Variants in FMN1 observed in about 807,000 individuals in gnomAD.
The protein encoded by FMN1 is formin 1, also known as formin-1.
FMN1 carries 110 observed loss-of-function variants against 132.4 expected under a neutral mutation model. The observed-to-expected ratio is 0.83, with a 90% CI of 0.71 to 0.97. FMN1 has a LOEUF of 0.97. Ranked by LOEUF, FMN1 falls within the 50% of genes least tolerant of loss-of-function variation. FMN1 has a pLI of 0.00. For synonymous variants in FMN1, 722 were observed against 651.7 expected, an observed-to-expected ratio of 1.11 and a Z score of -1.64; for missense variants, 1,792 against 1,705.3, an observed-to-expected ratio of 1.05 and a Z score of -0.90.
intron 10 of FMN1, among the ~76,000 whole-genome samples, chr15:32,917,532 AC>A (rs1384603830): frequency 2.0e-5 from 3 of 152,192 alleles, no homozygotes; most frequent in African/African-American, 7.2e-5. Context: ...CTTCCTCTGT[AC>A]CAGGCATTGT....
intron 4 of FMN1, among the ~76,000 whole-genome samples, chr15:33,107,601 G>A (rs2039536036): frequency 6.6e-6 from 1 of 152,076 alleles, no homozygotes. Flanking sequence ...TCTTGGCTAA[G>A]ATGTTCCCCA....
chr15:32,816,322 C>A (rs1172433718), intron 17 of FMN1, among the ~76,000 whole-genome samples: 1 of 152,118 alleles, frequency 6.6e-6, no homozygotes, highest in African/African-American at 2.4e-5. Flanking sequence ...AAAGCAGTGG[C>A]ATGATGTGCC....
In FMN1 at chr15:33,049,923, AT is replaced by A. The variant is rs570208954; in HGVS notation, c.2161+15033del. On this transcript the variant is annotated intron_variant, in intron 6 of 20. Coordinates refer to ENST00000616417, the MANE Select transcript of FMN1 (RefSeq NM_001277313.2). Reference sequence around the variant, plus strand: ...ATTCTAGGGGCTGCTCAATTCACGAATTGTTTATTGTTCAATTAAACTCCTT... The same window carrying A: ...ATTCTAGGGGCTGCTCAATTCACGAATGTTTATTGTTCAATTAAACTCCTT... 3.5e-4 allele frequency among the ~76,000 whole-genome samples: 54 copies of A among 152,342 alleles called. 1 individual carries two copies. In the East Asian group the frequency reaches 0.01, roughly 29 times the overall value.
At position 33,153,728 on chromosome 15, in the gene FMN1, G is replaced by T; in HGVS notation, c.1187C>A (p.Ser396Ter). Residue 396 changes from serine (S) to a stop codon, truncating the protein, a stop_gained, in exon 4 of 21, where the codon TCG (serine) becomes TAG (stop). Transcript: ENST00000616417. LOFTEE classifies it high-confidence loss of function. Reference sequence around the variant, plus strand: ...GGCTGTTTCCCCGGCTGGCGACTGCGATGACCTATCCCCTTGCCGCTCCTT... The same window carrying T: ...GGCTGTTTCCCCGGCTGGCGACTGCTATGACCTATCCCCTTGCCGCTCCTT... ...QGKERQGDRSSQSPAGETASI... is the reference protein window; with the variant it reads ...QGKERQGDRS 1 of 1,536,242 alleles carries T rather than the reference G, an allele frequency of 6.5e-7. No homozygotes were observed.
intron 15 of FMN1, among the ~76,000 whole-genome samples, chr15:32,891,771 G>C (rs1441538718): frequency 6.6e-6 from 1 of 151,848 alleles, no homozygotes; most frequent in Admixed American, 6.6e-5. Flanking sequence ...TGACTCCTTA[G>C]GTATATTACT....
chr15:33,092,845 T>C (rs1255715879), intron 4 of FMN1, among the ~76,000 whole-genome samples: 1 of 152,192 alleles, frequency 6.6e-6, no homozygotes, highest in African/African-American at 2.4e-5. Context: ...GTTTTTGTTT[T>C]GTAACTTGTA....
intron 8 of FMN1, among the ~76,000 whole-genome samples, chr15:32,968,100 A>C (rs2140644444): frequency 6.6e-6 from 1 of 152,336 alleles, no homozygotes; most frequent in South Asian, 2.1e-4. Context: ...CCACATACTG[A>C]CACTTTCTCT....
At chr15:32,928,975 C>G (rs1192776700) in intron 9 of FMN1, among the ~76,000 whole-genome samples, 1 of 152,212 alleles carries the variant, frequency 6.6e-6, no homozygotes, top group Non-Finnish European at 1.5e-5. Context: ...TGAGGCAAAT[C>G]TACCCCTCAC....
intron 9 of FMN1, among the ~76,000 whole-genome samples, chr15:32,937,616 A>G (rs2061308143): frequency 6.6e-6 from 1 of 152,198 alleles, no homozygotes; most frequent in Non-Finnish European, 1.5e-5. Flanking sequence ...ATGGATAGAG[A>G]GAGAAGACAA....
chr15:32,857,277 TAAAC>T (rs1484073353), intron 16 of FMN1, among the ~76,000 whole-genome samples, 170 bp from the exon 17 acceptor site: 3 of 152,108 alleles, frequency 2.0e-5, no homozygotes, highest in African/African-American at 2.4e-5. Context: ...CCAGAAATAA[TAAAC>T]AAACCAACAA....
chr15:33,049,544 C>A (rs1005665671), intron 6 of FMN1, among the ~76,000 whole-genome samples: 2 of 152,172 alleles, frequency 1.3e-5, no homozygotes, highest in East Asian at 3.8e-4. Flanking sequence ...AAGTTTTGGT[C>A]AATCTCTCAA....
chr15:32,933,339 T>A (rs115694801), intron 9 of FMN1, among the ~76,000 whole-genome samples: 1 of 152,200 alleles, frequency 6.6e-6, no homozygotes, highest in Non-Finnish European at 1.5e-5. Flanking sequence ...TCAGAAAAGA[T>A]ACATGGTATA....
Position 32,947,525 on chromosome 15 carries a change from T to G in FMN1, c.3138+16582A>C, listed in dbSNP as rs143170695. On this transcript the variant is annotated intron_variant, in intron 9 of 20. Coordinates refer to ENST00000616417, the MANE Select transcript of FMN1 (RefSeq NM_001277313.2). ...TTGAACATTTGTTCTTGCATGCAAA[T>G]TTTTAGAATAAGCTTGTTAAATTCC... Among the ~76,000 whole-genome samples the G allele has an allele frequency of 5.2e-3, 798 of 152,080 alleles. 2 individuals carry two copies. The highest frequency in any genetic ancestry group is 9.6e-3 in the Admixed American group (147 of 15,276).
chr15:32,969,412 T>C lies in FMN1; in HGVS notation c.2289A>G (p.Glu763=). ...GEHAMITARL[E]ETIENLKHEL... ...CGTGTTTCAGATTTTCAATGGTTTC[T>C]TCTAGTCTCGCTGTTATCATTGCAT... The change falls in exon 8 of 21, where the codon GAA becomes GAG. Residue 763 remains glutamate (E), a synonymous_variant. Transcript: ENST00000616417. 2.5e-6 allele frequency: 4 copies of C among 1,614,008 alleles called. No individual in the cohort carries two copies. The highest frequency in any genetic ancestry group is 2.2e-5 in the South Asian group (2 of 91,082).
At chr15:33,078,550 G>A (rs1281499691) in intron 5 of FMN1, among the ~76,000 whole-genome samples, 2 of 151,598 alleles carry the variant, frequency 1.3e-5, no homozygotes, top group Non-Finnish European at 2.9e-5. Context: ...TCCTATGTGA[G>A]ACACTTGTAG....
rs576207384 is a variant in FMN1, at chr15:32,817,851, G to T, written c.3929-13519C>A. ...TGTCATCCTCAGAGAAAAAGCTTTT[G>T]TTGAAGAAAAATTTGTACAAACATT... On this transcript the variant is annotated intron_variant, in intron 17 of 20. Coordinates refer to ENST00000616417, the MANE Select transcript of FMN1 (RefSeq NM_001277313.2). Among the ~76,000 whole-genome samples the T allele has an allele frequency of 3.9e-5, 6 of 152,264 alleles. No homozygotes were observed. The South Asian group carries it at 1.0e-3, about 26-fold the overall frequency.
chr15:33,142,422 G>A (rs1196510557), intron 4 of FMN1, among the ~76,000 whole-genome samples: 1 of 152,046 alleles, frequency 6.6e-6, no homozygotes, highest in Admixed American at 6.5e-5. Flanking sequence ...AACACCTCTC[G>A]CTGTTTCAAT....
At position 32,785,245 on chromosome 15, in the gene FMN1, T is replaced by G. The variant is rs866293829; in HGVS notation, c.4131-8326A>C. ...TTTTTTTTTTTTTTTTTTGTAGAGA[T>G]GAGGTTTCACCATGTTGCCCAGGCT... On this transcript the variant is annotated intron_variant, in intron 19 of 20. Transcript: ENST00000616417. Among the ~76,000 whole-genome samples, 35 of 126,840 alleles carry G rather than the reference T, an allele frequency of 2.8e-4. No homozygotes were observed. The Middle Eastern group carries it at 0.021, about 77-fold the overall frequency. 83.2% of individuals were successfully genotyped at this position (126,840 alleles called of 152,430 possible). A position where few individuals can be genotyped will look rare whatever the true frequency, so the allele number is the denominator to read the frequency against.
At chr15:32,857,814 A>G (rs1249823006) in intron 16 of FMN1, among the ~76,000 whole-genome samples, 2 of 152,206 alleles carry the variant, frequency 1.3e-5, no homozygotes, top group Admixed American at 1.3e-4. Context: ...GATAGTTACG[A>G]TTTGTCTACA....
Sources: allele counts gnomAD v4.1 joint callset (sites outside exome capture counted in the v4.1 genomes callset), GRCh38; gene constraint gnomAD v4.1.1; transcripts MANE v1.5; gene names NCBI Gene and HGNC (gene_info 2026-07-23, HGNC 2026-07-21).